CNTNAP3B: variants seen among roughly 807,000 people sequenced by gnomAD.
CNTNAP3B encodes contactin associated protein family member 3B.
In CNTNAP3B, 25 loss-of-function variants were observed where a neutral mutation model predicts 108.9. That is an observed-to-expected ratio of 0.23 (90% CI 0.17 to 0.32). The LOEUF (loss-of-function observed/expected upper bound fraction) is 0.32. CNTNAP3B is among the 10% of genes least tolerant of loss of function. The pLI, the probability that CNTNAP3B is intolerant of heterozygous loss-of-function variation, is 1.00. For synonymous variants in CNTNAP3B, 103 were observed against 473.4 expected, an observed-to-expected ratio of 0.22 and a Z score of 10.16; for missense variants, 252 against 1,210.4, an observed-to-expected ratio of 0.21 and a Z score of 11.75.
At chr9:41,968,007 G>A (rs1216477220) in intron 10 of CNTNAP3B, among the ~76,000 whole-genome samples, 6 of 152,240 alleles carry the variant, frequency 3.9e-5, no homozygotes, top group Non-Finnish European at 7.3e-5. Flanking sequence ...GACCAAGTTA[G>A]GCACCAATGT....
intron 15 of CNTNAP3B, among the ~76,000 whole-genome samples, chr9:41,927,831 A>C (rs1351536651): frequency 2.0e-5 from 3 of 151,656 alleles, no homozygotes; most frequent in Non-Finnish European, 4.4e-5. Flanking sequence ...GGAAAAGCTT[A>C]GAATAATCAT....
intron 13 of CNTNAP3B, among the ~76,000 whole-genome samples, chr9:41,943,483 G>C (rs1157082889): frequency 6.6e-6 from 1 of 151,842 alleles, no homozygotes; most frequent in African/African-American, 2.4e-5. Context: ...CTCCCGAGTA[G>C]CTGGGACTAC....
rs1331420649 is a variant in CNTNAP3B, at chr9:42,113,068, T to C, written c.86-8329A>G. Among the ~76,000 whole-genome samples, 15 of 135,362 alleles carry C rather than the reference T, an allele frequency of 1.1e-4. 2 individuals are homozygous for C. The highest frequency in any genetic ancestry group is 4.4e-4 in the African/African-American group (15 of 33,716). 88.8% of individuals were successfully genotyped at this position (135,362 alleles called of 152,430 possible). ...CCATGCCCGGTCAAGTTTACATAAA[T>C]TTAAGCATCTTAGTTTGACGATCTA... is the stretch of plus-strand genomic sequence containing the variant. On this transcript the variant is annotated intron_variant, in intron 1 of 23. Coordinates refer to ENST00000377561, the MANE Select transcript of CNTNAP3B (RefSeq NM_001201380.3).
At chr9:41,959,692 A>G (rs1825000728) in intron 12 of CNTNAP3B, among the ~76,000 whole-genome samples, 1 of 152,312 alleles carries the variant, frequency 6.6e-6, no homozygotes, top group African/African-American at 2.4e-5. Context: ...GAATCTTCTG[A>G]ACATCCCCTG....
chr9:41,970,003 T>C lies in CNTNAP3B; in HGVS notation c.1649+71A>G. The C allele has an allele frequency of 1.7e-6, 2 of 1,185,376 alleles. 1 individual carries two copies. The highest frequency in any genetic ancestry group is 5.0e-5 in the Admixed American group (2 of 39,608). 73.4% of individuals were successfully genotyped at this position (1,185,376 alleles called of 1,614,324 possible). A position where few individuals can be genotyped will look rare whatever the true frequency, so the allele number is the denominator to read the frequency against. ...CGAAAAAGAGAACGGAATGCCTTTT[T>C]CCAGCTCTCTACATTTGCTTTCTTC... On this transcript the variant is annotated intron_variant, in intron 10 of 23. Transcript: ENST00000377561.
In CNTNAP3B at chr9:42,047,865, TA is replaced by T. The variant is rs1242825201; in HGVS notation, c.390+29003del. On this transcript the variant is annotated intron_variant, in intron 3 of 23. Coordinates refer to ENST00000377561, the MANE Select transcript of CNTNAP3B (RefSeq NM_001201380.3). ...TTAGAGGACAAAATGCCAGAGGGAC[TA>T]GAAAGGAGGAGGGGGTTCCTATGAC... Among the ~76,000 whole-genome samples the T allele has an allele frequency of 1.8e-4, 19 of 108,304 alleles. 3 individuals are homozygous for T. Among genetic ancestry groups the T allele is most frequent in the African/African-American group, 7.5e-4 (19 of 25,326 alleles). 71.1% of individuals were successfully genotyped at this position (108,304 alleles called of 152,430 possible). A position where few individuals can be genotyped will look rare whatever the true frequency, so the allele number is the denominator to read the frequency against.
At chr9:41,936,110 T>A (rs1588050360) in intron 14 of CNTNAP3B, among the ~76,000 whole-genome samples, 1 of 152,296 alleles carries the variant, frequency 6.6e-6, no homozygotes, top group South Asian at 2.1e-4. Context: ...TGAAACCCAG[T>A]CTCTACTAAA....
chr9:41,959,882 C>T (rs1332847094), intron 12 of CNTNAP3B: 2 of 152,376 alleles, frequency 1.3e-5, no homozygotes, highest in East Asian at 3.9e-4. Flanking sequence ...CAGATTTCCA[C>T]TTTGCAGAGA....
chr9:42,016,968 T>C (rs1439672193), intron 3 of CNTNAP3B, among the ~76,000 whole-genome samples: 3 of 151,884 alleles, frequency 2.0e-5, no homozygotes, highest in Non-Finnish European at 4.4e-5. Context: ...TGAAAGACAG[T>C]CACTTAAGTT....
chr9:41,953,132 G>T, intron 13 of CNTNAP3B, 51 bp downstream of exon 13: 2 of 1,464,104 alleles, frequency 1.4e-6, no homozygotes, highest in Non-Finnish European at 8.9e-7. Context: ...GCAGCCCGAG[G>T]GCCGCGCCCC....
intron 15 of CNTNAP3B, among the ~76,000 whole-genome samples, chr9:41,925,517 C>G (rs1379601485): frequency 6.6e-6 from 1 of 152,274 alleles, no homozygotes; most frequent in African/African-American, 2.4e-5. Context: ...GACGTGAACC[C>G]GGGAGGCGGA....
chr9:42,120,919 T>C lies in CNTNAP3B; in HGVS notation c.85+8091A>G, dbSNP rs1435468589. On this transcript the variant is annotated intron_variant, in intron 1 of 23. Coordinates refer to ENST00000377561, the MANE Select transcript of CNTNAP3B (RefSeq NM_001201380.3). ...CACACCAACATGGCACATGTATACA[T>C]ATGCAACAAACCTGCACGTTGTGCA... 3.6e-5 allele frequency among the ~76,000 whole-genome samples: 5 copies of C among 137,438 alleles called. 1 individual carries two copies. Among genetic ancestry groups the C allele is most frequent in the African/African-American group, 8.7e-5 (3 of 34,448 alleles). 90.2% of individuals were successfully genotyped at this position (137,438 alleles called of 152,430 possible). A position where few individuals can be genotyped will look rare whatever the true frequency, so the allele number is the denominator to read the frequency against.
Position 42,019,373 on chromosome 9 carries a change from G to A in CNTNAP3B, c.391-5848C>T, listed in dbSNP as rs562541584. ...CTGAAGTAGGAATTAAGAAATGTGG[G>A]TGATGGTTCCAGCTTTTTCATTAAT... On this transcript the variant is annotated intron_variant, in intron 3 of 23. Transcript: ENST00000377561. Among the ~76,000 whole-genome samples, 11 of 83,392 alleles carry A rather than the reference G, an allele frequency of 1.3e-4. No individual in the cohort carries two copies. The South Asian group carries it at 4.7e-3, about 35-fold the overall frequency. The allele number at this position is 83,392 out of a possible 152,430, so 54.7% of individuals were successfully genotyped here.
In CNTNAP3B at chr9:41,893,875, G is replaced by A. The variant is rs1823376862; in HGVS notation, c.*114C>T. ...TGTGTGCACCCTGATGGCAACAGCA[G>A]GGAAGTCCACAGTCACGATGATAGA... On this transcript the variant is annotated 3_prime_UTR_variant, in exon 24 of 24. Transcript: ENST00000377561. 3.0e-5 allele frequency: 3 copies of A among 100,484 alleles called. No individual in the cohort carries two copies. The highest frequency in any genetic ancestry group is 5.2e-5 in the Non-Finnish European group (3 of 57,468). The allele number at this position is 100,484 out of a possible 1,614,324, so 6.2% of individuals were successfully genotyped here. A position where few individuals can be genotyped will look rare whatever the true frequency, so the allele number is the denominator to read the frequency against.
At chr9:41,959,643 G>A (rs1234869820) in intron 12 of CNTNAP3B, among the ~76,000 whole-genome samples, 2 of 152,312 alleles carry the variant, frequency 1.3e-5, no homozygotes, top group Admixed American at 6.5e-5. Flanking sequence ...GAACGCCTGT[G>A]TTTCTTTATC....
chr9:42,043,129 T>A (rs1826799394), intron 3 of CNTNAP3B, among the ~76,000 whole-genome samples: 1 of 137,192 alleles, frequency 7.3e-6, no homozygotes, highest in Non-Finnish European at 1.6e-5. Context: ...CTGAAATGCA[T>A]GATTCCCAAG....
chr9:41,977,840 C>G (rs1301586485), intron 9 of CNTNAP3B, among the ~76,000 whole-genome samples: 1 of 138,472 alleles, frequency 7.2e-6, no homozygotes, highest in Non-Finnish European at 1.5e-5. Flanking sequence ...ACCGTGTTAG[C>G]CAGGATGGTC....
intron 12 of CNTNAP3B, among the ~76,000 whole-genome samples, chr9:41,957,994 C>A: frequency 6.6e-6 from 1 of 152,272 alleles, no homozygotes. Flanking sequence ...GATCTCCTGA[C>A]CTCGTGATCC....
intron 9 of CNTNAP3B, among the ~76,000 whole-genome samples, chr9:41,973,700 C>T (rs1825472660): frequency 7.2e-6 from 1 of 139,690 alleles, no homozygotes; most frequent in Non-Finnish European, 1.5e-5. Flanking sequence ...CAAAAAACTG[C>T]AGGCTATATG....
Sources: gnomAD v4.1 joint callset for allele counts (sites outside exome capture counted in the v4.1 genomes callset) on GRCh38, gnomAD v4.1.1 for gene constraint, MANE v1.5 for transcripts, NCBI Gene and HGNC (gene_info 2026-07-23, HGNC 2026-07-21) for gene names.